NUDT3: variants seen among roughly 807,000 people sequenced by gnomAD.
NUDT3 encodes diphosphoinositol polyphosphate phosphohydrolase 1.
Under a neutral mutation model 23.6 loss-of-function variants are expected in NUDT3, and 9 were observed. That is an observed-to-expected ratio of 0.38 (90% CI 0.23 to 0.66). NUDT3 has a LOEUF of 0.66. Ranked by LOEUF, NUDT3 falls within the 30% of genes least tolerant of loss-of-function variation. The pLI, the probability that NUDT3 is intolerant of heterozygous loss-of-function variation, is 0.52. For missense variants in NUDT3, 172 were observed against 218.5 expected (o/e 0.79, Z 1.34); for synonymous variants, 86 against 82.6 (o/e 1.04, Z -0.22).
chr6:34,312,662 C>T lies in NUDT3; in HGVS notation c.211-16977G>A, dbSNP rs564753835. On this transcript the variant is annotated intron_variant, in intron 2 of 4. Coordinates refer to ENST00000607016, the MANE Select transcript of NUDT3 (RefSeq NM_006703.4). ...CAATGTGGGTCTATTTCTGGGCTCACTATTGTTCCATTTATTTATATGTCT... is the reference window on the plus strand; with the variant it reads ...CAATGTGGGTCTATTTCTGGGCTCATTATTGTTCCATTTATTTATATGTCT... Among the ~76,000 whole-genome samples, 12 of 152,252 alleles carry T rather than the reference C, an allele frequency of 7.9e-5. 1 individual carries two copies. The South Asian group carries it at 1.9e-3, about 24-fold the overall frequency.
chr6:34,381,797 G>A (rs1184831955), intron 1 of NUDT3, among the ~76,000 whole-genome samples: 3 of 151,940 alleles, frequency 2.0e-5, no homozygotes, highest in Non-Finnish European at 4.4e-5. Context: ...ATAATCGGCT[G>A]GGCACGGTGG....
At chr6:34,293,187 T>G (rs1443354706) in intron 4 of NUDT3, among the ~76,000 whole-genome samples, 1 of 152,150 alleles carries the variant, frequency 6.6e-6, no homozygotes, top group East Asian at 1.9e-4. Context: ...TTCAGCCTCC[T>G]GAGAAGCTGC....
intron 1 of NUDT3, among the ~76,000 whole-genome samples, chr6:34,390,180 TA>T (rs1765174516): frequency 6.8e-6 from 1 of 148,076 alleles, no homozygotes; most frequent in Admixed American, 6.8e-5. Flanking sequence ...AATAAAATTT[TA>T]AAAATAAAAA....
At chr6:34,312,463 A>G (rs368106659) in intron 2 of NUDT3, among the ~76,000 whole-genome samples, 94 of 152,170 alleles carry the variant, frequency 6.2e-4, no homozygotes, top group African/African-American at 2.1e-3. Context: ...GCTGGTGAGG[A>G]TGTGGAACAA....
At chr6:34,334,950 G>C (rs1444166530) in intron 2 of NUDT3, among the ~76,000 whole-genome samples, 2 of 150,666 alleles carry the variant, frequency 1.3e-5, no homozygotes, top group Admixed American at 6.6e-5. Flanking sequence ...AAGGAAAAGA[G>C]GAAAGAGAGA....
chr6:34,330,928 C>G (rs1764118193), intron 2 of NUDT3, among the ~76,000 whole-genome samples: 3 of 152,210 alleles, frequency 2.0e-5, no homozygotes, highest in Admixed American at 2.0e-4. Flanking sequence ...GATCTTGGCT[C>G]ACTGCAACCT....
chr6:34,297,760 A>ATATATGTATTTTT (rs1763535832), intron 2 of NUDT3, among the ~76,000 whole-genome samples: 3 of 53,652 alleles, frequency 5.6e-5, no homozygotes, highest in Non-Finnish European at 9.2e-5. Flanking sequence ...TATATATATA[A>ATATATGTATTTTT]TTTTTTTTTT....
At chr6:34,314,390 T>TAA (rs5875502) in intron 2 of NUDT3, among the ~76,000 whole-genome samples, 4 of 123,958 alleles carry the variant, frequency 3.2e-5, no homozygotes, top group South Asian at 2.6e-4. Context: ...CTGTCTCTAC[T>TAA]AAAAAAAAAA....
In NUDT3 at chr6:34,367,853, CTA is replaced by C. The variant is rs576612717; in HGVS notation, c.99+24409_99+24410del. On this transcript the variant is annotated intron_variant, in intron 1 of 4. Coordinates refer to ENST00000607016, the MANE Select transcript of NUDT3 (RefSeq NM_006703.4). ...AGAGCTGTGCCATGGGCAAAACTGG[CTA>C]CCATTTTGGGGAGTGGGGAAAGCTC... 9.9e-5 allele frequency among the ~76,000 whole-genome samples: 15 copies of C among 152,284 alleles called. No homozygotes were observed. The South Asian group carries it at 3.1e-3, about 32-fold the overall frequency.
chr6:34,373,001 C>T (rs953076749), intron 1 of NUDT3, among the ~76,000 whole-genome samples: 4 of 151,654 alleles, frequency 2.6e-5, no homozygotes, highest in East Asian at 2.0e-4. Flanking sequence ...GCGCGTGTGC[C>T]GGGCGCGGTG....
At chr6:34,297,825 G>GA (rs1410705277) in intron 2 of NUDT3, among the ~76,000 whole-genome samples, 7 of 137,120 alleles carry the variant, frequency 5.1e-5, no homozygotes, top group Middle Eastern at 3.9e-3. Context: ...TTGAACTCCT[G>GA]ACCTCATGAT....
chr6:34,302,772 T>G (rs190045939), intron 2 of NUDT3, among the ~76,000 whole-genome samples: 1 of 152,172 alleles, frequency 6.6e-6, no homozygotes, highest in East Asian at 1.9e-4. Flanking sequence ...ACATCCCTAT[T>G]CCTATGGCAT....
chr6:34,300,996 A>T (rs2113701061), intron 2 of NUDT3, among the ~76,000 whole-genome samples: 1 of 152,356 alleles, frequency 6.6e-6, no homozygotes. Flanking sequence ...TGAATTTAAA[A>T]AAGGTATTTT....
intron 2 of NUDT3, among the ~76,000 whole-genome samples, chr6:34,297,870 C>G (rs892155910): frequency 6.8e-5 from 10 of 146,320 alleles, no homozygotes; most frequent in Non-Finnish European, 1.5e-4. Context: ...GCTGGGATTA[C>G]AGGTGTGAGC....
chr6:34,289,366 A>C (rs1165885788), intron 4 of NUDT3, among the ~76,000 whole-genome samples: 1 of 152,152 alleles, frequency 6.6e-6, no homozygotes, highest in Non-Finnish European at 1.5e-5. Flanking sequence ...CAGGAGTTTG[A>C]GACTGGCCTG....
intron 1 of NUDT3, among the ~76,000 whole-genome samples, chr6:34,379,425 T>C (rs1424665185): frequency 6.6e-5 from 10 of 151,850 alleles, no homozygotes; most frequent in Admixed American, 4.6e-4. Flanking sequence ...CTGGGCGTGT[T>C]AGCAGGTGCC....
rs539668815 is a variant in NUDT3 at position 34,360,379 on chromosome 6, G to A, written c.100-18407C>T. 3.7e-3 allele frequency among the ~76,000 whole-genome samples: 565 copies of A among 152,046 alleles called. 3 individuals carry two copies. The highest frequency in any genetic ancestry group is 0.014 in the Middle Eastern group (4 of 294). On this transcript the variant is annotated intron_variant, in intron 1 of 4. Transcript: ENST00000607016. ...ACCTGAGGTCAGGAATTCGAGACCA[G>A]CCTGGCCAACATGGTGAAACCCTGT...
At chr6:34,351,757 A>G (rs1764482226) in intron 1 of NUDT3, among the ~76,000 whole-genome samples, 1 of 139,346 alleles carries the variant, frequency 7.2e-6, no homozygotes, top group South Asian at 2.2e-4. Context: ...AAAAAAAAAA[A>G]AAAAAGAAAT....
rs573936652 is a variant in NUDT3, at chr6:34,368,633, T to A, written c.99+23631A>T. Among the ~76,000 whole-genome samples, 4 of 152,220 alleles carry A rather than the reference T, an allele frequency of 2.6e-5. No individual in the cohort carries two copies. In the East Asian group the frequency reaches 7.7e-4, roughly 29 times the overall value. The stretch of plus-strand genomic sequence containing the variant: ...TCAACGTACGAAACAGTAGCTCTGC[T>A]TTTGTTTTGTGTTTTTTGTTTTTGA... On this transcript the variant is annotated intron_variant, in intron 1 of 4. Coordinates refer to ENST00000607016, the MANE Select transcript of NUDT3 (RefSeq NM_006703.4).
Sources: gnomAD v4.1 joint callset for allele counts (sites outside exome capture counted in the v4.1 genomes callset) on GRCh38, gnomAD v4.1.1 for gene constraint, MANE v1.5 for transcripts, NCBI Gene and HGNC (gene_info 2026-07-23, HGNC 2026-07-21) for gene names.